Variants in SYT16 observed in about 807,000 individuals in gnomAD.
SYT16 encodes synaptotagmin-16.
Under a neutral mutation model 61.4 loss-of-function variants are expected in SYT16, and 42 were observed. That is an observed-to-expected ratio of 0.68 (90% CI 0.53 to 0.89). The LOEUF (loss-of-function observed/expected upper bound fraction) is 0.89. Ranked by LOEUF, SYT16 falls within the 40% of genes least tolerant of loss-of-function variation. The probability of loss-of-function intolerance (pLI) is 0.00; values close to 1 mark genes in which losing one functional copy is unlikely to be tolerated. For synonymous variants in SYT16, 314 were observed against 302.3 expected, an observed-to-expected ratio of 1.04 and a Z score of -0.40; for missense variants, 804 against 807.3, an observed-to-expected ratio of 1.00 and a Z score of 0.05.
intron 4 of SYT16, among the ~76,000 whole-genome samples, chr14:62,070,927 T>C (rs2056274949): frequency 6.6e-6 from 1 of 151,814 alleles, no homozygotes; most frequent in African/African-American, 2.4e-5. Flanking sequence ...ACGGGAGAAA[T>C]TTTGATTTCA....
chr14:61,861,659 C>G (rs1481695418), intron 1 of SYT16, among the ~76,000 whole-genome samples: 1 of 152,206 alleles, frequency 6.6e-6, no homozygotes, highest in African/African-American at 2.4e-5. Context: ...CCCACATTGG[C>G]CTCCCAACGT....
At chr14:61,841,748 A>G (rs1271908424) in intron 1 of SYT16, among the ~76,000 whole-genome samples, 1 of 152,188 alleles carries the variant, frequency 6.6e-6, no homozygotes, top group Non-Finnish European at 1.5e-5. Flanking sequence ...GCTCCCACTT[A>G]TAAGTGAGAA....
At chr14:61,992,923 T>C (rs760438892) in intron 2 of SYT16, among the ~76,000 whole-genome samples, 32 of 152,232 alleles carry the variant, frequency 2.1e-4, no homozygotes, top group Middle Eastern at 3.4e-3. Context: ...CAGGGAATCA[T>C]AATGGCTTTT....
chr14:62,111,973 T>C lies in SYT16; in HGVS notation c.*11266T>C, dbSNP rs1037539247. 2 of 152,142 alleles carry C rather than the reference T, an allele frequency of 1.3e-5. No individual in the cohort carries two copies. The highest frequency in any genetic ancestry group is 2.4e-5 in the African/African-American group (1 of 41,450). 9.4% of individuals were successfully genotyped at this position (152,142 alleles called of 1,614,324 possible). A position where few individuals can be genotyped will look rare whatever the true frequency, so the allele number is the denominator to read the frequency against. On this transcript the variant is annotated 3_prime_UTR_variant, in exon 8 of 8. Transcript: ENST00000683842. ...TGTAGAATGTAATGACCCATCCTAT[T>C]TCTAAATTTACTTCTATCAGTGGAT...
chr14:62,051,529 G>C (rs2055296472), intron 3 of SYT16, among the ~76,000 whole-genome samples: 1 of 152,190 alleles, frequency 6.6e-6, no homozygotes, highest in Admixed American at 6.5e-5. Context: ...TACCTCAGTT[G>C]GAAATGCAGA....
At chr14:61,967,067 C>T (rs2051342837) in intron 1 of SYT16, among the ~76,000 whole-genome samples, 2 of 152,150 alleles carry the variant, frequency 1.3e-5, no homozygotes, top group African/African-American at 2.4e-5. Flanking sequence ...GTAGAAGCAT[C>T]CAGCTTTGTC....
At chr14:62,052,053 A>G (rs907509029) in intron 3 of SYT16, among the ~76,000 whole-genome samples, 1 of 152,102 alleles carries the variant, frequency 6.6e-6, no homozygotes, top group Non-Finnish European at 1.5e-5. Flanking sequence ...TGTTTTCTTT[A>G]TATTAATATT....
At chr14:61,893,081 A>C (rs2048197646) in intron 1 of SYT16, among the ~76,000 whole-genome samples, 1 of 152,138 alleles carries the variant, frequency 6.6e-6, no homozygotes. Flanking sequence ...CATGTGGTGT[A>C]GAGAATTCCT....
chr14:61,836,080 T>G (rs973834247), intron 1 of SYT16, among the ~76,000 whole-genome samples: 7 of 152,214 alleles, frequency 4.6e-5, no homozygotes, highest in Non-Finnish European at 8.8e-5. Context: ...ATCAGTGTTT[T>G]GATTAGCCCC....
At chr14:61,817,585 A>T (rs963174914) in intron 1 of SYT16, among the ~76,000 whole-genome samples, 1 of 152,310 alleles carries the variant, frequency 6.6e-6, no homozygotes, top group African/African-American at 2.4e-5. Context: ...TCTGTAAGTC[A>T]GTGTCATGAA....
intron 1 of SYT16, among the ~76,000 whole-genome samples, chr14:61,882,662 C>A (rs1168898627): frequency 2.0e-5 from 3 of 152,164 alleles, no homozygotes; most frequent in African/African-American, 7.2e-5. Context: ...TCTAACTGTT[C>A]CCCCAGATCT....
intron 2 of SYT16, among the ~76,000 whole-genome samples, chr14:61,979,685 C>A (rs955179769): frequency 2.0e-5 from 3 of 152,154 alleles, no homozygotes; most frequent in Non-Finnish European, 4.4e-5. Flanking sequence ...AGATCGAGAT[C>A]ATCCTGGCCA....
At chr14:61,899,508 G>A (rs1566663107) in intron 1 of SYT16, among the ~76,000 whole-genome samples, 1 of 152,222 alleles carries the variant, frequency 6.6e-6, no homozygotes, top group Non-Finnish European at 1.5e-5. Flanking sequence ...AAGGTACTCA[G>A]TATGGGCTGG....
intron 3 of SYT16, among the ~76,000 whole-genome samples, chr14:62,011,671 C>G (rs986781804): frequency 6.6e-6 from 1 of 151,938 alleles, no homozygotes; most frequent in African/African-American, 2.4e-5. Flanking sequence ...TGTCAAAAAA[C>G]CCCACAGCTC....
At chr14:62,021,482 TCGG>T (rs1440419419) in intron 3 of SYT16, among the ~76,000 whole-genome samples, 2 of 123,342 alleles carry the variant, frequency 1.6e-5, no homozygotes, top group Non-Finnish European at 3.5e-5. Context: ...TATTTTTTTT[TCGG>T]TTGTTGTTTT....
chr14:61,945,845 G>C (rs1477736771), intron 1 of SYT16, among the ~76,000 whole-genome samples: 1 of 108,712 alleles, frequency 9.2e-6, no homozygotes, highest in East Asian at 3.3e-4. Flanking sequence ...GACAGAGCGA[G>C]ACTCCGTCTC....
At position 62,109,677 on chromosome 14, in the gene SYT16, A is replaced by G. The variant is rs1227583583; in HGVS notation, c.*8970A>G. 6.6e-6 allele frequency: 1 copy of G among 152,150 alleles called. No individual in the cohort carries two copies. Among genetic ancestry groups the G allele is most frequent in the African/African-American group, 2.4e-5 (1 of 41,446 alleles). 9.4% of individuals were successfully genotyped at this position (152,150 alleles called of 1,614,324 possible). ...TAAACAGAAAGTTCTGAAGGTTATGAAGACGTGATCCCAAATTTAGTGACT... is the reference window on the plus strand; with the variant it reads ...TAAACAGAAAGTTCTGAAGGTTATGGAGACGTGATCCCAAATTTAGTGACT... On this transcript the variant is annotated 3_prime_UTR_variant, in exon 8 of 8. Coordinates refer to ENST00000683842, the MANE Select transcript of SYT16 (RefSeq NM_001367656.1).
intron 1 of SYT16, among the ~76,000 whole-genome samples, chr14:61,821,764 G>C (rs765086755): frequency 6.6e-6 from 1 of 152,198 alleles, no homozygotes; most frequent in East Asian, 1.9e-4. Context: ...AAAAGGAAGG[G>C]ATTAAACAAG....
chr14:62,011,942 T>TA (rs1555370094), intron 3 of SYT16, among the ~76,000 whole-genome samples: 1 of 144,716 alleles, frequency 6.9e-6, no homozygotes, highest in Non-Finnish European at 1.5e-5. Flanking sequence ...TATATATATA[T>TA]TTGATGCTGT....
Sources: allele counts gnomAD v4.1 joint callset (sites outside exome capture counted in the v4.1 genomes callset), GRCh38; gene constraint gnomAD v4.1.1; transcripts MANE v1.5; gene names NCBI Gene and HGNC (gene_info 2026-07-23, HGNC 2026-07-21).